Variants in DLGAP1 observed in about 807,000 individuals in gnomAD.
DLGAP1 encodes DLG associated protein 1.
In DLGAP1, 11 loss-of-function variants were observed where a neutral mutation model predicts 90.8. The observed-to-expected ratio is 0.12, with a 90% CI of 0.08 to 0.20. DLGAP1 has a LOEUF of 0.20. Among genes scored for constraint, DLGAP1 ranks in the 10% least tolerant of loss-of-function variants. The pLI is 1.00. For synonymous variants in DLGAP1, 558 were observed against 540.7 expected (o/e 1.03, Z -0.44); for missense variants, 1,050 against 1,333.8 (o/e 0.79, Z 3.31).
chr18:3,640,928 G>A (rs967120923), intron 7 of DLGAP1, among the ~76,000 whole-genome samples: 1 of 152,060 alleles, frequency 6.6e-6, no homozygotes, highest in African/African-American at 2.4e-5. Context: ...TTTTAATGAG[G>A]AAAGAGAGGC....
intron 4 of DLGAP1, chr18:3,821,914 G>A (rs2067441080): frequency 1.0e-6 from 1 of 984,980 alleles, no homozygotes; most frequent in Non-Finnish European, 1.2e-6. Flanking sequence ...CATCTTCTTT[G>A]CAGCTGGGAG....
intron 6 of DLGAP1, among the ~76,000 whole-genome samples, chr18:3,733,646 C>A (rs2062529464): frequency 6.6e-6 from 1 of 152,140 alleles, no homozygotes; most frequent in Non-Finnish European, 1.5e-5. Flanking sequence ...AGAGGAGCAT[C>A]TGTAGTTCTT....
intron 5 of DLGAP1, among the ~76,000 whole-genome samples, chr18:3,782,356 C>T (rs1441189801): frequency 6.6e-6 from 1 of 152,144 alleles, no homozygotes. Flanking sequence ...AGGCTGGTCT[C>T]GAACTCCTGA....
At chr18:3,862,738 T>C (rs2070154405) in intron 4 of DLGAP1, among the ~76,000 whole-genome samples, 1 of 152,250 alleles carries the variant, frequency 6.6e-6, no homozygotes, top group African/African-American at 2.4e-5. Flanking sequence ...AAGCTAGGTA[T>C]GTTACATAAT....
chr18:3,705,881 ACTCCTGGCCTCAGGT>A (rs2061416226), intron 7 of DLGAP1, among the ~76,000 whole-genome samples: 2 of 151,014 alleles, frequency 1.3e-5, no homozygotes, highest in East Asian at 3.9e-4. Context: ...CTGGTCTCGA[ACTCCTGGCCTCAGGT>A]GATCCTCCCT....
chr18:4,062,043 T>G (rs1416085311), intron 2 of DLGAP1, among the ~76,000 whole-genome samples: 1 of 152,152 alleles, frequency 6.6e-6, no homozygotes, highest in African/African-American at 2.4e-5. Context: ...AAACAAGAAT[T>G]AAGTAGCCAA....
At chr18:3,835,026 TC>T (rs774983502) in intron 4 of DLGAP1, among the ~76,000 whole-genome samples, 7 of 152,330 alleles carry the variant, frequency 4.6e-5, no homozygotes, top group Admixed American at 2.0e-4. Flanking sequence ...ATTTTGCTTT[TC>T]CATTTCTTCA....
At position 3,879,169 on chromosome 18, in the gene DLGAP1, G is replaced by A. The variant is rs1301193692; in HGVS notation, c.900C>T (p.Asp300=). 6.6e-7 allele frequency: 1 copy of A among 1,521,610 alleles called. No homozygotes were observed. Among genetic ancestry groups the A allele is most frequent in the African/African-American group, 1.4e-5 (1 of 71,994 alleles). 94.3% of individuals were successfully genotyped at this position (1,521,610 alleles called of 1,614,324 possible). Residue 300 remains aspartate, a synonymous_variant, in exon 4 of 13, where the codon GAC becomes GAT. Coordinates refer to ENST00000315677, the MANE Select transcript of DLGAP1 (RefSeq NM_004746.4). The surrounding 1 kb of genome is among the most constrained non-coding windows in gnomAD (Gnocchi z 6.6). ...EVYQKASVNM[D]QAMVKSESCQ... ...ACGACTCGGACTTCACCATGGCCTG[G>A]TCCATGTTCACCGAGGCCTTCTGGT... is the stretch of plus-strand genomic sequence containing the variant.
At chr18:4,087,235 G>A (rs181181123) in intron 2 of DLGAP1, among the ~76,000 whole-genome samples, 132 of 151,586 alleles carry the variant, frequency 8.7e-4, no homozygotes, top group African/African-American at 3.1e-3. Flanking sequence ...TTGGGAACAG[G>A]CCCCCAAATC....
intron 2 of DLGAP1, 85 bp from the exon 3 acceptor site, chr18:4,005,286 G>A (rs2074278413): frequency 6.6e-6 from 1 of 152,144 alleles, no homozygotes; most frequent in Non-Finnish European, 1.5e-5. Flanking sequence ...GAATTTAGGA[G>A]CGCCCTATGA....
chr18:4,370,235 G>A (rs570735549), intron 1 of DLGAP1, among the ~76,000 whole-genome samples: 1 of 152,288 alleles, frequency 6.6e-6, no homozygotes, highest in South Asian at 2.1e-4. Context: ...GCTAGAAAAT[G>A]TAGACAGAAA....
At chr18:3,908,487 A>G (rs2148891784) in intron 3 of DLGAP1, among the ~76,000 whole-genome samples, 1 of 152,232 alleles carries the variant, frequency 6.6e-6, no homozygotes, top group African/African-American at 2.4e-5. Context: ...CCCATTCCTA[A>G]AAGCCTGGGG....
intron 1 of DLGAP1, among the ~76,000 whole-genome samples, chr18:4,236,847 ATTCC>A (rs1165944817): frequency 6.6e-6 from 1 of 152,108 alleles, no homozygotes; most frequent in African/African-American, 2.4e-5. Context: ...TTCTATTCTT[ATTCC>A]TTCATTTTAA....
chr18:3,915,590 A>C (rs1036607603), intron 3 of DLGAP1, among the ~76,000 whole-genome samples: 1 of 152,216 alleles, frequency 6.6e-6, no homozygotes, highest in Non-Finnish European at 1.5e-5. Context: ...TCTTTTGTGC[A>C]CTTGGAGGGT....
At chr18:4,406,203 C>G (rs1350521299) in intron 1 of DLGAP1, among the ~76,000 whole-genome samples, 1 of 152,112 alleles carries the variant, frequency 6.6e-6, no homozygotes, top group Non-Finnish European at 1.5e-5. Context: ...ACTAGGCCCA[C>G]CACCAGTCTG....
chr18:4,199,836 C>A (rs1248835116), intron 1 of DLGAP1, among the ~76,000 whole-genome samples: 2 of 152,166 alleles, frequency 1.3e-5, no homozygotes, highest in African/African-American at 2.4e-5. Context: ...TGGTTGAAAA[C>A]AATTCCCCCA....
intron 4 of DLGAP1, among the ~76,000 whole-genome samples, chr18:3,833,782 A>C (rs1263229960): frequency 6.6e-6 from 1 of 152,176 alleles, no homozygotes; most frequent in Non-Finnish European, 1.5e-5. Flanking sequence ...ATTTACCTGA[A>C]TAATTTATCT....
intron 2 of DLGAP1, among the ~76,000 whole-genome samples, chr18:4,143,523 C>T (rs2076530568): frequency 6.6e-6 from 1 of 151,880 alleles, no homozygotes; most frequent in Non-Finnish European, 1.5e-5. Flanking sequence ...GCAGGTTCCC[C>T]TCTGGCCCAG....
chr18:3,789,093 T>G (rs2065598950), intron 5 of DLGAP1, among the ~76,000 whole-genome samples: 1 of 152,224 alleles, frequency 6.6e-6, no homozygotes, highest in South Asian at 2.1e-4. Context: ...AGATGGATAT[T>G]ATGGTGCTAG....
Sources: allele counts gnomAD v4.1 joint callset (sites outside exome capture counted in the v4.1 genomes callset), GRCh38; gene constraint gnomAD v4.1.1; non-coding constraint Gnocchi (gnomAD v3.1); transcripts MANE v1.5; gene names NCBI Gene and HGNC (gene_info 2026-07-23, HGNC 2026-07-21).